Variants in TMEM26 observed in about 807,000 individuals in gnomAD.
The protein encoded by TMEM26 is transmembrane protein 26.
Under a neutral mutation model 28.8 loss-of-function variants are expected in TMEM26, and 38 were observed. That is an observed-to-expected ratio of 1.32 (90% CI 1.02 to 1.73). The LOEUF (loss-of-function observed/expected upper bound fraction) is 1.73. Ranked by LOEUF, TMEM26 falls within the 40% of genes most tolerant of loss-of-function variation. The pLI, the probability that TMEM26 is intolerant of heterozygous loss-of-function variation, is 0.00. For synonymous variants in TMEM26, 227 were observed against 182.9 expected, an observed-to-expected ratio of 1.24 and a Z score of -1.95; for missense variants, 518 against 447.1, an observed-to-expected ratio of 1.16 and a Z score of -1.43.
intron 2 of TMEM26, among the ~76,000 whole-genome samples, chr10:61,435,523 A>G (rs1456125486): frequency 1.3e-5 from 2 of 152,168 alleles, no homozygotes; most frequent in African/African-American, 2.4e-5. Context: ...CTTCTAATAC[A>G]TATAAGCTCA....
chr10:61,453,027 G>A lies in TMEM26; in HGVS notation c.55C>T (p.His19Tyr). ...ACTCGCCAGACCCCGACCAGCGAGT[G>A]CAGCAGGAACAGCAACCGAGTGGCC... Reference protein sequence around the residue: ...ALATRLLFLLHSLVGVWRVTE... With the variant: ...ALATRLLFLLYSLVGVWRVTE... The change falls in exon 1 of 6, where the codon CAC (histidine) becomes TAC (tyrosine). Residue 19 changes from histidine (H) to tyrosine (Y), a missense_variant. His to Tyr is a moderately conservative substitution (Grantham distance 83). Transcript: ENST00000399298. 2 of 1,613,922 alleles carry A rather than the reference G, an allele frequency of 1.2e-6. No homozygotes were observed. Among genetic ancestry groups the A allele is most frequent in the South Asian group, 2.2e-5 (2 of 91,086 alleles).
chr10:61,410,636 C>G lies in TMEM26; in HGVS notation c.793G>C (p.Asp265His), dbSNP rs747468962. The change falls in exon 6 of 6, where the codon GAT (aspartate) becomes CAT (histidine). Residue 265 changes from aspartate (D) to histidine (H), a missense_variant. Asp to His is a moderately conservative substitution (Grantham distance 81). Coordinates refer to ENST00000399298, the MANE Select transcript of TMEM26 (RefSeq NM_178505.8). Reference sequence around the variant, plus strand: ...AGACGCACGACAAGGAAGGGGCCATCTTGTATGAAGACGCTGATTCCGATG... The same window carrying G: ...AGACGCACGACAAGGAAGGGGCCATGTTGTATGAAGACGCTGATTCCGATG... ...WNIGISVFIQDGPFLVVRLIL... is the reference protein window; with the variant it reads ...WNIGISVFIQHGPFLVVRLIL... 4 of 1,614,146 alleles carry G rather than the reference C, an allele frequency of 2.5e-6. No homozygotes were observed. In the Admixed American group the frequency reaches 5.0e-5, roughly 20 times the overall value.
chr10:61,438,539 G>A (rs1840043703), intron 1 of TMEM26, among the ~76,000 whole-genome samples: 1 of 152,138 alleles, frequency 6.6e-6, no homozygotes, highest in Non-Finnish European at 1.5e-5. Context: ...GGAAACCATA[G>A]CCTGAACATA....
Position 61,453,049 on chromosome 10 carries a change from G to A in TMEM26, c.33C>T (p.Ala11=), listed in dbSNP as rs770598399. 10 of 1,613,566 alleles carry A rather than the reference G, an allele frequency of 6.2e-6. No individual in the cohort carries two copies. The highest frequency in any genetic ancestry group is 8.5e-7 in the Non-Finnish European group (1 of 1,180,022). ...AGTGCAGCAGGAACAGCAACCGAGT[G>A]GCCAGGGCGTTAAGGAAGACCAGTC... The part of the protein sequence containing the change: MEGLVFLNAL[A]TRLLFLLHSL... The change falls in exon 1 of 6, where the codon GCC becomes GCT. Residue 11 remains alanine, a synonymous_variant. Coordinates refer to ENST00000399298, the MANE Select transcript of TMEM26 (RefSeq NM_178505.8).
At chr10:61,414,129 C>T (rs993926177) in intron 4 of TMEM26, 3 of 808,622 alleles carry the variant, frequency 3.7e-6, no homozygotes, top group East Asian at 1.3e-4. Flanking sequence ...TAGAACAGTG[C>T]TTGATGGATA....
chr10:61,428,459 A>G (rs1053420841), intron 4 of TMEM26, among the ~76,000 whole-genome samples: 4 of 152,136 alleles, frequency 2.6e-5, no homozygotes, highest in African/African-American at 9.7e-5. Context: ...AGGGAATGCA[A>G]ATCCCCAAAT....
At chr10:61,433,497 A>G (rs770759196) in intron 2 of TMEM26, among the ~76,000 whole-genome samples, 1 of 152,168 alleles carries the variant, frequency 6.6e-6, no homozygotes, top group African/African-American at 2.4e-5. Context: ...TGACAACAAG[A>G]TGACCAGAAT....
chr10:61,414,942 G>C (rs905194718), intron 4 of TMEM26: 2 of 973,490 alleles, frequency 2.1e-6, no homozygotes, highest in Non-Finnish European at 2.4e-6. Context: ...TGTGAATACT[G>C]TTAGGTGGAT....
chr10:61,426,885 G>A (rs1010936709), intron 4 of TMEM26, among the ~76,000 whole-genome samples: 2 of 152,080 alleles, frequency 1.3e-5, no homozygotes, highest in Admixed American at 6.6e-5. Flanking sequence ...CAGTATAGGC[G>A]AGAACCAAAA....
chr10:61,435,426 G>T lies in TMEM26; in HGVS notation c.270+744C>A, dbSNP rs929980887. On this transcript the variant is annotated intron_variant, in intron 2 of 5. Transcript: ENST00000399298. ...CATCTCTTGACCTCGTGATCCACCCGCTTCGGCCTCCCAAAGTGCCGTGAT... is the reference window on the plus strand; with the variant it reads ...CATCTCTTGACCTCGTGATCCACCCTCTTCGGCCTCCCAAAGTGCCGTGAT... 3.9e-5 allele frequency among the ~76,000 whole-genome samples: 6 copies of T among 152,222 alleles called. 1 individual carries two copies. The East Asian group carries it at 1.2e-3, about 29-fold the overall frequency.
intron 2 of TMEM26, 82 bp downstream of exon 2, chr10:61,436,088 G>T: frequency 1.2e-6 from 1 of 858,008 alleles, no homozygotes; most frequent in African/African-American, 1.7e-5. Flanking sequence ...TTAGAAAAGT[G>T]CATTCCGAAA....
At chr10:61,444,580 C>T (rs2135332913) in intron 1 of TMEM26, among the ~76,000 whole-genome samples, 2 of 151,382 alleles carry the variant, frequency 1.3e-5, no homozygotes, top group East Asian at 3.9e-4. Context: ...GTGTGGACTT[C>T]CCTACATTGT....
At chr10:61,444,882 TAAAG>T (rs1197182710) in intron 1 of TMEM26, among the ~76,000 whole-genome samples, 2 of 152,006 alleles carry the variant, frequency 1.3e-5, no homozygotes, top group Non-Finnish European at 2.9e-5. Context: ...AGCAGAGGCA[TAAAG>T]GCACTACCAG....
chr10:61,440,514 C>CAAAAAAA (rs60111640), intron 1 of TMEM26, among the ~76,000 whole-genome samples: 1 of 99,056 alleles, frequency 1.0e-5, no homozygotes, highest in Non-Finnish European at 2.0e-5. Context: ...TTCCAGTTCT[C>CAAAAAAA]AAAAAAAAAA....
intron 5 of TMEM26, among the ~76,000 whole-genome samples, chr10:61,412,089 G>A (rs1282901468): frequency 6.6e-6 from 1 of 152,180 alleles, no homozygotes; most frequent in Non-Finnish European, 1.5e-5. Context: ...TATATCAATG[G>A]TAGCCTTTCC....
chr10:61,425,689 G>A (rs867770628), intron 4 of TMEM26, among the ~76,000 whole-genome samples: 71 of 152,182 alleles, frequency 4.7e-4, no homozygotes, highest in Middle Eastern at 6.8e-3. Context: ...ATGAAAAGAT[G>A]CTCAGCAACA....
At chr10:61,426,113 G>A (rs1025089014) in intron 4 of TMEM26, among the ~76,000 whole-genome samples, 1 of 152,042 alleles carries the variant, frequency 6.6e-6, no homozygotes, top group African/African-American at 2.4e-5. Context: ...CTAAAGAGGA[G>A]CTAAACATGA....
intron 1 of TMEM26, among the ~76,000 whole-genome samples, chr10:61,438,086 A>G (rs1402676604): frequency 6.6e-6 from 1 of 152,168 alleles, no homozygotes; most frequent in African/African-American, 2.4e-5. Flanking sequence ...TATTTTTTCA[A>G]TTCCTAGAGA....
intron 1 of TMEM26, among the ~76,000 whole-genome samples, chr10:61,437,261 T>C (rs1480303229): frequency 6.6e-6 from 1 of 152,124 alleles, no homozygotes; most frequent in Non-Finnish European, 1.5e-5. Context: ...TCTCCAAATA[T>C]TGTCACATTT....
Sources: gnomAD v4.1 joint callset for allele counts (sites outside exome capture counted in the v4.1 genomes callset) on GRCh38, gnomAD v4.1.1 for gene constraint, MANE v1.5 for transcripts, NCBI Gene and HGNC (gene_info 2026-07-23, HGNC 2026-07-21) for gene names.